DEPDC1B: variants seen among roughly 807,000 people sequenced by gnomAD.
The protein encoded by DEPDC1B is DEP domain-containing protein 1B.
In DEPDC1B, 51 loss-of-function variants were observed where a neutral mutation model predicts 66.5. The observed-to-expected ratio is 0.77, with a 90% CI of 0.61 to 0.97. DEPDC1B has a LOEUF of 0.97. DEPDC1B is among the 50% of genes least tolerant of loss of function. The probability of loss-of-function intolerance (pLI) is 0.00; values close to 1 mark genes in which losing one functional copy is unlikely to be tolerated. For synonymous variants in DEPDC1B, 226 were observed against 223.6 expected (o/e 1.01, Z -0.10); for missense variants, 552 against 637.1 (o/e 0.87, Z 1.44).
chr5:60,636,706 G>T (rs1753051593), intron 7 of DEPDC1B, among the ~76,000 whole-genome samples: 1 of 152,030 alleles, frequency 6.6e-6, no homozygotes, highest in South Asian at 2.1e-4. Context: ...ACTATGAAAG[G>T]ATCTAAGAAA....
chr5:60,641,225 T>C (rs1753184212), intron 6 of DEPDC1B, among the ~76,000 whole-genome samples: 1 of 152,184 alleles, frequency 6.6e-6, no homozygotes, highest in African/African-American at 2.4e-5. Flanking sequence ...AATTATGTTC[T>C]TTACTACATT....
chr5:60,599,641 AG>A (rs1240569117), intron 9 of DEPDC1B, among the ~76,000 whole-genome samples: 4 of 152,212 alleles, frequency 2.6e-5, no homozygotes, highest in Non-Finnish European at 5.9e-5. Flanking sequence ...AATGAGGGCA[AG>A]GAACACCTGG....
At chr5:60,688,602 TTATTAA>T (rs1754476791) in intron 1 of DEPDC1B, among the ~76,000 whole-genome samples, 1 of 152,192 alleles carries the variant, frequency 6.6e-6, no homozygotes, top group Non-Finnish European at 1.5e-5. Flanking sequence ...GCTGCTGTAT[TTATTAA>T]TATTATCAGG....
At chr5:60,659,324 A>G (rs1753653328) in intron 2 of DEPDC1B, among the ~76,000 whole-genome samples, 1 of 152,178 alleles carries the variant, frequency 6.6e-6, no homozygotes, top group Non-Finnish European at 1.5e-5. Flanking sequence ...GCAGTGAGTA[A>G]TATCGGACCA....
intron 7 of DEPDC1B, among the ~76,000 whole-genome samples, chr5:60,615,131 G>A (rs903470950): frequency 5.9e-5 from 9 of 152,144 alleles, no homozygotes; most frequent in African/African-American, 1.9e-4. Context: ...TGAATCAAAG[G>A]CATCCCAAGT....
intron 2 of DEPDC1B, among the ~76,000 whole-genome samples, chr5:60,654,166 A>G (rs1469442253): frequency 6.7e-6 from 1 of 148,814 alleles, no homozygotes; most frequent in Non-Finnish European, 1.5e-5. Context: ...ATTAATGGGA[A>G]TTGCATTGAA....
intron 2 of DEPDC1B, among the ~76,000 whole-genome samples, chr5:60,665,404 A>G (rs1753815108): frequency 6.6e-6 from 1 of 152,174 alleles, no homozygotes; most frequent in Non-Finnish European, 1.5e-5. Flanking sequence ...TATACATTTC[A>G]ATCTCTGTAT....
intron 1 of DEPDC1B, among the ~76,000 whole-genome samples, chr5:60,688,120 A>T (rs1173121144): frequency 6.6e-6 from 1 of 152,174 alleles, no homozygotes; most frequent in Non-Finnish European, 1.5e-5. Context: ...GGAGGAAAAG[A>T]GATGAAAAAG....
intron 2 of DEPDC1B, among the ~76,000 whole-genome samples, chr5:60,650,046 T>G (rs1437641490): frequency 6.6e-6 from 1 of 151,968 alleles, no homozygotes; most frequent in South Asian, 2.1e-4. Context: ...AAAATTTTTA[T>G]GAAACATCAT....
intron 7 of DEPDC1B, among the ~76,000 whole-genome samples, chr5:60,612,025 G>T (rs1752422813): frequency 6.6e-6 from 1 of 152,226 alleles, no homozygotes; most frequent in Non-Finnish European, 1.5e-5. Context: ...TTCAAAGCTT[G>T]AAAGGACAGC....
At chr5:60,699,038 C>T (rs1160164510) in intron 1 of DEPDC1B, among the ~76,000 whole-genome samples, 1 of 152,068 alleles carries the variant, frequency 6.6e-6, no homozygotes, top group African/African-American at 2.4e-5. Context: ...ACCCATCAGC[C>T]CCAACTATGA....
intron 7 of DEPDC1B, among the ~76,000 whole-genome samples, chr5:60,615,352 G>C (rs6449481): frequency 0.14 from 21,812 of 152,132 alleles, 2,643 homozygotes; most frequent in African/African-American, 0.33. Context: ...GTGACGCATC[G>C]CCTCACCTGG....
intron 2 of DEPDC1B, among the ~76,000 whole-genome samples, chr5:60,662,595 C>A (rs1349870423): frequency 6.6e-6 from 1 of 152,134 alleles, no homozygotes. Context: ...TTGAGCAAAT[C>A]GAATGCCTAA....
chr5:60,651,529 T>TAAAAAAAAAAAAA (rs35534827), intron 2 of DEPDC1B, among the ~76,000 whole-genome samples: 1 of 132,374 alleles, frequency 7.6e-6, no homozygotes, highest in African/African-American at 2.9e-5. Flanking sequence ...AGACTCCACC[T>TAAAAAAAAAAAAA]AAAAAAAAAA....
chr5:60,644,499 A>G (rs537398554), intron 5 of DEPDC1B, among the ~76,000 whole-genome samples: 1 of 152,294 alleles, frequency 6.6e-6, no homozygotes, highest in African/African-American at 2.4e-5. Context: ...GAAACCACTT[A>G]ATGCCCAAGG....
chr5:60,673,951 T>A (rs552131116), intron 2 of DEPDC1B, among the ~76,000 whole-genome samples: 4 of 152,178 alleles, frequency 2.6e-5, no homozygotes, highest in Non-Finnish European at 4.4e-5. Context: ...TGTTCCATTA[T>A]TGGAACGCTA....
chr5:60,641,984 A>ATAC (rs1172069961), intron 6 of DEPDC1B, among the ~76,000 whole-genome samples: 1 of 152,230 alleles, frequency 6.6e-6, no homozygotes, highest in Non-Finnish European at 1.5e-5. Flanking sequence ...CATGTTCCAT[A>ATAC]TACTACTACT....
At chr5:60,681,781 T>G (rs1754301468) in intron 2 of DEPDC1B, among the ~76,000 whole-genome samples, 1 of 151,520 alleles carries the variant, frequency 6.6e-6, no homozygotes, top group Non-Finnish European at 1.5e-5. Flanking sequence ...ATGATCTGAA[T>G]TATAATTTTT....
chr5:60,642,956 T>C, intron 5 of DEPDC1B, 97 bp from the exon 6 acceptor site: 1 of 871,988 alleles, frequency 1.1e-6, no homozygotes, highest in Non-Finnish European at 1.8e-6. Context: ...CCAAGTAATA[T>C]GAACCATATC....
Sources: gnomAD v4.1 joint callset for allele counts (sites outside exome capture counted in the v4.1 genomes callset) on GRCh38, gnomAD v4.1.1 for gene constraint, MANE v1.5 for transcripts, NCBI Gene and HGNC (gene_info 2026-07-23, HGNC 2026-07-21) for gene names.